The following CIMAP1D variants were observed in gnomAD, a reference collection of about 807,000 sequenced individuals.
The protein encoded by CIMAP1D is protein CIMAP1D.
chr19:470,010 G>A, the CIMAP1D span, among the ~76,000 whole-genome samples: 1 of 152,052 alleles, frequency 6.6e-6, no homozygotes. Flanking sequence ...GTTCTTCTGG[G>A]GGCTCCACCA....
the CIMAP1D span, among the ~76,000 whole-genome samples, chr19:487,277 G>A: frequency 1.3e-5 from 2 of 152,140 alleles, no homozygotes; most frequent in East Asian, 1.9e-4. Flanking sequence ...CACAGGGGGC[G>A]GCGTGCGCTG....
chr19:469,427 C>T, the CIMAP1D span, among the ~76,000 whole-genome samples: 7 of 152,130 alleles, frequency 4.6e-5, no homozygotes, highest in South Asian at 2.1e-4. Flanking sequence ...CGGTGGCTCA[C>T]GCCTGTCATC....
At chr19:473,113 G>A in the CIMAP1D span, among the ~76,000 whole-genome samples, 1 of 130,968 alleles carries the variant, frequency 7.6e-6, no homozygotes. Flanking sequence ...GTCACAGATC[G>A]GGAAACTGAG....
At chr19:480,672 G>C in the CIMAP1D span, among the ~76,000 whole-genome samples, 2,257 of 75,954 alleles carry the variant, frequency 0.03, 386 homozygotes, top group African/African-American at 0.11. Flanking sequence ...TGATGGAGAA[G>C]GATGATGGAG....
At chr19:465,724 G>C in the CIMAP1D span, among the ~76,000 whole-genome samples, 1 of 145,958 alleles carries the variant, frequency 6.9e-6, no homozygotes, top group Non-Finnish European at 1.5e-5. Context: ...TGAATGAGTG[G>C]GTAGGTGAAA....
At chr19:464,106 C>A in the CIMAP1D span, 1 of 1,510,166 alleles carries the variant, frequency 6.6e-7, no homozygotes. Flanking sequence ...CTGGCCCGGG[C>A]CTGGTATCTC....
the CIMAP1D span, among the ~76,000 whole-genome samples, chr19:487,736 AC>A: frequency 0.047 from 7,208 of 152,256 alleles, 573 homozygotes; most frequent in African/African-American, 0.16. Flanking sequence ...AGCCTGGCCA[AC>A]ATGGTGAAAC....
chr19:465,227 T>G, the CIMAP1D span, among the ~76,000 whole-genome samples: 1 of 119,588 alleles, frequency 8.4e-6, no homozygotes, highest in Non-Finnish European at 1.7e-5. Context: ...GAATGTTGGG[T>G]GGATGGTGGA....
the CIMAP1D span, among the ~76,000 whole-genome samples, chr19:478,468 G>C: frequency 7.2e-6 from 1 of 138,212 alleles, no homozygotes; most frequent in South Asian, 2.7e-4. Flanking sequence ...ACAGCATGTT[G>C]CTGGGAGGAC....
chr19:487,578 G>A, the CIMAP1D span, among the ~76,000 whole-genome samples: 3 of 151,536 alleles, frequency 2.0e-5, no homozygotes, highest in Non-Finnish European at 4.4e-5. Context: ...GCCGAGGCGG[G>A]AGGATTGCTT....
chr19:480,595 AAGGTGATGGGG>A, the CIMAP1D span, among the ~76,000 whole-genome samples: 9 of 118,218 alleles, frequency 7.6e-5, no homozygotes, highest in African/African-American at 3.2e-4. Flanking sequence ...GGAATGTGGG[AAGGTGATGGGG>A]AAGGATGATG....
the CIMAP1D span, among the ~76,000 whole-genome samples, chr19:482,626 T>C: frequency 2.0e-5 from 3 of 152,114 alleles, no homozygotes; most frequent in African/African-American, 7.2e-5. Flanking sequence ...ATACAGCAGA[T>C]TACTCATGCA....
At chr19:466,845 T>A in the CIMAP1D span, among the ~76,000 whole-genome samples, 1 of 7,860 alleles carries the variant, frequency 1.3e-4, no homozygotes. Flanking sequence ...GATGGGTGGG[T>A]GGGTGGGTGG....
the CIMAP1D span, among the ~76,000 whole-genome samples, chr19:467,252 G>A: frequency 3.9e-5 from 6 of 152,048 alleles, no homozygotes; most frequent in South Asian, 1.2e-3. Flanking sequence ...GTGGAGGGTG[G>A]ATGGATAGAT....
At chr19:474,927 G>A in the CIMAP1D span, 1 of 486,256 alleles carries the variant, frequency 2.1e-6, no homozygotes, top group African/African-American at 2.0e-5. Flanking sequence ...GTGGGGCCCT[G>A]GCCCAAGGCA....
At chr19:491,583 C>G in the CIMAP1D span, among the ~76,000 whole-genome samples, 2 of 151,912 alleles carry the variant, frequency 1.3e-5, no homozygotes, top group African/African-American at 2.4e-5. Flanking sequence ...GTCAGAGCAG[C>G]TGACCAGGGC....
the CIMAP1D span, among the ~76,000 whole-genome samples, chr19:485,818 G>C: frequency 6.6e-6 from 1 of 152,302 alleles, no homozygotes; most frequent in East Asian, 1.9e-4. Context: ...GGGAGGCCAG[G>C]TGTTTGTGGC....
chr19:479,815 C>A, the CIMAP1D span, among the ~76,000 whole-genome samples: 2 of 152,248 alleles, frequency 1.3e-5, no homozygotes, highest in Admixed American at 1.3e-4. Context: ...GGATGACAGG[C>A]GTGAGCCACC....
At chr19:478,154 A>G in the CIMAP1D span, among the ~76,000 whole-genome samples, 1 of 152,286 alleles carries the variant, frequency 6.6e-6, no homozygotes, top group African/African-American at 2.4e-5. Flanking sequence ...GAGAGGAGGA[A>G]AGGCCCCAAC....
Sources: allele counts gnomAD v4.1 joint callset (sites outside exome capture counted in the v4.1 genomes callset), GRCh38; gene constraint gnomAD v4.1.1; transcripts MANE v1.5; gene names NCBI Gene and HGNC (gene_info 2026-07-23, HGNC 2026-07-21).